MTAP: variants seen among roughly 807,000 people sequenced by gnomAD.
MTAP encodes the protein S-methyl-5'-thioadenosine phosphorylase.
In MTAP, 33 loss-of-function variants were observed where a neutral mutation model predicts 33.6. The ratio of observed to expected loss-of-function variants is 0.98; its 90% CI spans 0.74 to 1.31. MTAP has a LOEUF of 1.31. Ranked by LOEUF, MTAP falls within the 40% of genes most tolerant of loss-of-function variation. MTAP has a pLI of 0.00. For missense variants in MTAP, 367 were observed against 360.0 expected, an observed-to-expected ratio of 1.02 and a Z score of -0.16; for synonymous variants, 148 against 125.7, an observed-to-expected ratio of 1.18 and a Z score of -1.19.
chr9:21,915,437 T>TACC (rs1818672130), intron 1 of MTAP, among the ~76,000 whole-genome samples: 1 of 152,120 alleles, frequency 6.6e-6, no homozygotes, highest in Admixed American at 6.6e-5. Context: ...TTTATGGTTA[T>TACC]ACCGCATTTT....
At position 21,815,324 on chromosome 9, in the gene MTAP, G is replaced by A. The variant is rs1035257555; in HGVS notation, c.34-109G>A. The A allele has an allele frequency of 7.5e-6, 5 of 665,824 alleles. No individual in the cohort carries two copies. In the African/African-American group the frequency reaches 9.6e-5, roughly 13 times the overall value. 41.2% of individuals were successfully genotyped at this position (665,824 alleles called of 1,614,324 possible). ...TTTCAGATTTCAAAAAAATAACTAG[G>A]GCTTGGCAGGAATGGAGAAGAGCAT... On this transcript the variant is annotated intron_variant, in intron 1 of 7. Coordinates refer to ENST00000644715, the MANE Select transcript of MTAP (RefSeq NM_002451.4).
intron 5 of MTAP, among the ~76,000 whole-genome samples, chr9:21,846,590 A>T (rs1825388972): frequency 6.6e-6 from 1 of 152,172 alleles, no homozygotes; most frequent in Non-Finnish European, 1.5e-5. Flanking sequence ...AAAATAATAG[A>T]TATTGGTGTA....
chr9:21,868,980 T>C (rs1268531497), downstream of MTAP, among the ~76,000 whole-genome samples: 1 of 152,134 alleles, frequency 6.6e-6, no homozygotes, highest in Admixed American at 6.6e-5. Context: ...TCATAGATGT[T>C]TCTCCCTGAT....
chr9:21,822,495 T>G (rs1342851117), intron 4 of MTAP, among the ~76,000 whole-genome samples: 2 of 152,038 alleles, frequency 1.3e-5, no homozygotes, highest in South Asian at 2.1e-4. Context: ...GTCTGAGAGA[T>G]AGTTTGTTAT....
intron 6 of MTAP, among the ~76,000 whole-genome samples, chr9:21,855,942 T>C (rs1403873270): frequency 1.3e-5 from 2 of 152,242 alleles, no homozygotes. Flanking sequence ...TTTCTTAATA[T>C]AATCAAATAT....
chr9:21,905,537 C>T (rs1818462933), intron 1 of MTAP, among the ~76,000 whole-genome samples: 1 of 152,092 alleles, frequency 6.6e-6, no homozygotes, highest in East Asian at 1.9e-4. Context: ...ACATGGAAGA[C>T]TAGAAAATAT....
At chr9:21,903,080 G>A (rs1818417930) in intron 1 of MTAP, among the ~76,000 whole-genome samples, 1 of 152,184 alleles carries the variant, frequency 6.6e-6, no homozygotes, top group East Asian at 1.9e-4. Context: ...CTTAAGTATA[G>A]TGATTACAAA....
intron 4 of MTAP, 128 bp downstream of exon 4, chr9:21,818,330 T>C: frequency 1.2e-6 from 1 of 814,782 alleles, no homozygotes; most frequent in East Asian, 2.9e-5. Context: ...TTTTTTTTTT[T>C]TTTTTTTTTT....
chr9:21,936,648 T>C (rs1022209376), exon 8 of MTAP: 1 of 152,200 alleles, frequency 6.6e-6, no homozygotes, highest in African/African-American at 2.4e-5. Flanking sequence ...TATACTTCTA[T>C]AGAAATTATA....
At chr9:21,817,999 C>T (rs1824527517) in intron 3 of MTAP, 36 bp from the exon 4 acceptor site, 1 of 1,589,166 alleles carries the variant, frequency 6.3e-7, no homozygotes. Flanking sequence ...GTGGTGTACT[C>T]ATCACGGGTT....
intron 1 of MTAP, among the ~76,000 whole-genome samples, chr9:21,904,229 C>G (rs946037482): frequency 7.9e-5 from 12 of 152,184 alleles, no homozygotes; most frequent in Non-Finnish European, 1.8e-4. Flanking sequence ...TGATGTGGTC[C>G]TCTCCACGTT....
chr9:21,853,946 T>C (rs1488393957), intron 5 of MTAP, among the ~76,000 whole-genome samples: 1 of 152,178 alleles, frequency 6.6e-6, no homozygotes, highest in Non-Finnish European at 1.5e-5. Context: ...GAAGATTAGA[T>C]GTGCAGTATT....
chr9:21,862,034 A>G lies in MTAP; in HGVS notation c.*20A>G. ...CATTAAAGTAGCATGGCTGCCCAGGAGAAAAGAAGACATTCTAATTCCAGT... is the reference window on the plus strand; with the variant it reads ...CATTAAAGTAGCATGGCTGCCCAGGGGAAAAGAAGACATTCTAATTCCAGT... On this transcript the variant is annotated 3_prime_UTR_variant, in exon 8 of 8. Coordinates refer to ENST00000644715, the MANE Select transcript of MTAP (RefSeq NM_002451.4). The G allele has an allele frequency of 2.5e-6, 4 of 1,612,762 alleles. No homozygotes were observed. Among genetic ancestry groups the G allele is most frequent in the South Asian group, 1.1e-5 (1 of 90,584 alleles).
At chr9:21,910,884 C>T (rs879309061) in intron 1 of MTAP, among the ~76,000 whole-genome samples, 2 of 152,022 alleles carry the variant, frequency 1.3e-5, no homozygotes, top group African/African-American at 2.4e-5. Context: ...ATTTCCTCAC[C>T]GCCTCTAAGA....
intron 1 of MTAP, among the ~76,000 whole-genome samples, chr9:21,873,200 T>C (rs1365453075): frequency 6.6e-6 from 1 of 152,226 alleles, no homozygotes; most frequent in African/African-American, 2.4e-5. Context: ...ATGTATTCTA[T>C]TGTCTTGGCA....
chr9:21,887,825 C>T (rs1168145305), intron 1 of MTAP, among the ~76,000 whole-genome samples: 1 of 152,112 alleles, frequency 6.6e-6, no homozygotes, highest in East Asian at 1.9e-4. Context: ...TTGTAGTTTT[C>T]CTTGTAGAGA....
At chr9:21,836,166 G>A (rs1825101238) in intron 4 of MTAP, among the ~76,000 whole-genome samples, 1 of 152,058 alleles carries the variant, frequency 6.6e-6, no homozygotes, top group African/African-American at 2.4e-5. Flanking sequence ...GTAAATAGGT[G>A]GATGAATACT....
At chr9:21,823,537 C>T (rs554594165) in intron 4 of MTAP, among the ~76,000 whole-genome samples, 1 of 152,256 alleles carries the variant, frequency 6.6e-6, no homozygotes, top group East Asian at 1.9e-4. Context: ...CTCTGGCTGT[C>T]CTTAACATTT....
chr9:21,812,907 T>C (rs1208754203), intron 1 of MTAP, among the ~76,000 whole-genome samples: 1 of 152,250 alleles, frequency 6.6e-6, no homozygotes, highest in Non-Finnish European at 1.5e-5. Context: ...TTTTTAATTT[T>C]TGTGCTTCTC....
Sources: gnomAD v4.1 joint callset for allele counts (sites outside exome capture counted in the v4.1 genomes callset) on GRCh38, gnomAD v4.1.1 for gene constraint, MANE v1.5 for transcripts, NCBI Gene and HGNC (gene_info 2026-07-23, HGNC 2026-07-21) for gene names.